Variants in THRB observed in about 807,000 individuals in gnomAD.
THRB encodes the protein nuclear receptor subfamily 1 group A member 2.
THRB carries 12 observed loss-of-function variants against 47.8 expected under a neutral mutation model. The ratio of observed to expected loss-of-function variants is 0.25; its 90% CI spans 0.16 to 0.41. The LOEUF is 0.41. Ranked by LOEUF, THRB falls within the 10% of genes least tolerant of loss-of-function variation. The pLI, the probability that THRB is intolerant of heterozygous loss-of-function variation, is 1.00. For synonymous variants in THRB, 218 were observed against 212.2 expected (o/e 1.03, Z -0.24); for missense variants, 348 against 589.2 (o/e 0.59, Z 4.24).
chr3:24,129,699 A>G (rs2148856657), intron 9 of THRB, among the ~76,000 whole-genome samples: 1 of 152,310 alleles, frequency 6.6e-6, no homozygotes, highest in African/African-American at 2.4e-5. Context: ...TTGTGAGAAC[A>G]CTCAACAAGG....
chr3:24,159,296 G>GGT (rs146955672), intron 5 of THRB, among the ~76,000 whole-genome samples: 3,845 of 152,296 alleles, frequency 0.025, 173 homozygotes, highest in African/African-American at 0.087. Flanking sequence ...TCTCCCTGCA[G>GGT]GTGTATCCTG....
At chr3:24,279,227 T>A (rs978884052) in intron 3 of THRB, among the ~76,000 whole-genome samples, 1 of 152,110 alleles carries the variant, frequency 6.6e-6, no homozygotes, top group Admixed American at 6.6e-5. Context: ...CTATTTACAA[T>A]AGAAAACTTG....
intron 2 of THRB, among the ~76,000 whole-genome samples, chr3:24,300,914 A>C (rs971857197): frequency 2.0e-5 from 3 of 152,156 alleles, no homozygotes; most frequent in Non-Finnish European, 4.4e-5. Context: ...AATATGACCT[A>C]ATTTGGAAAG....
intron 1 of THRB, among the ~76,000 whole-genome samples, chr3:24,448,325 A>G (rs1475106374): frequency 2.0e-5 from 3 of 152,232 alleles, no homozygotes; most frequent in East Asian, 3.8e-4. Context: ...TTTTTAAAAA[A>G]TCTTTTAAAA....
At chr3:24,449,753 T>C (rs545295701) in intron 1 of THRB, among the ~76,000 whole-genome samples, 2 of 152,166 alleles carry the variant, frequency 1.3e-5, no homozygotes, top group African/African-American at 2.4e-5. Context: ...GGAGGCGATA[T>C]AGTGAAAAGC....
chr3:24,465,850 T>G (rs1418100891), intron 1 of THRB, among the ~76,000 whole-genome samples: 1 of 152,204 alleles, frequency 6.6e-6, no homozygotes, highest in African/African-American at 2.4e-5. Context: ...CTTTGGTCCT[T>G]ATTTTTATTA....
At chr3:24,264,672 T>G (rs1370602899) in intron 3 of THRB, among the ~76,000 whole-genome samples, 2 of 152,164 alleles carry the variant, frequency 1.3e-5, no homozygotes, top group East Asian at 3.8e-4. Context: ...TCATTTCACA[T>G]TTTAAGTTAT....
chr3:24,194,380 C>T (rs1317449056), intron 4 of THRB, among the ~76,000 whole-genome samples: 8 of 152,082 alleles, frequency 5.3e-5, no homozygotes, highest in Admixed American at 6.6e-5. Context: ...ATTCTAGAAA[C>T]GATCATATCT....
chr3:24,383,601 C>T (rs895655155), intron 1 of THRB, among the ~76,000 whole-genome samples: 2 of 152,116 alleles, frequency 1.3e-5, no homozygotes, highest in African/African-American at 4.8e-5. Context: ...TCTTCATATC[C>T]TGTCACTAGG....
chr3:24,356,108 A>G (rs1242113958), intron 1 of THRB, among the ~76,000 whole-genome samples: 1 of 152,130 alleles, frequency 6.6e-6, no homozygotes, highest in Non-Finnish European at 1.5e-5. Flanking sequence ...AGACATTCCC[A>G]TTCCAAACAG....
chr3:24,227,392 G>A (rs1576098659), intron 4 of THRB, among the ~76,000 whole-genome samples: 2 of 152,320 alleles, frequency 1.3e-5, no homozygotes, highest in South Asian at 4.1e-4. Flanking sequence ...TTATGACGTA[G>A]AAGGAGTGCG....
At chr3:24,251,136 C>T (rs934518817) in intron 3 of THRB, among the ~76,000 whole-genome samples, 2 of 151,974 alleles carry the variant, frequency 1.3e-5, no homozygotes, top group Non-Finnish European at 2.9e-5. Context: ...AGCCTTATTG[C>T]TAGATATGTA....
chr3:24,211,896 A>G (rs1286317457), intron 4 of THRB, among the ~76,000 whole-genome samples: 3 of 152,198 alleles, frequency 2.0e-5, no homozygotes, highest in Non-Finnish European at 4.4e-5. Context: ...ATGGGCTCTG[A>G]GTAATAAAAT....
At chr3:24,470,537 A>C (rs928873980) in intron 1 of THRB, among the ~76,000 whole-genome samples, 1 of 152,218 alleles carries the variant, frequency 6.6e-6, no homozygotes, top group Non-Finnish European at 1.5e-5. Context: ...CCTGGTACTT[A>C]ATAAGCCCCA....
intron 3 of THRB, among the ~76,000 whole-genome samples, chr3:24,293,860 C>T (rs1157659039): frequency 3.3e-5 from 5 of 152,214 alleles, no homozygotes. Context: ...CCTACTCAGA[C>T]TCTTTCTTAC....
chr3:24,453,791 C>A (rs533027441), intron 1 of THRB, among the ~76,000 whole-genome samples: 1 of 152,302 alleles, frequency 6.6e-6, no homozygotes, highest in East Asian at 1.9e-4. Context: ...TACCATCTTT[C>A]TATTCCACTG....
intron 1 of THRB, chr3:24,494,181 G>T (rs973880014): frequency 6.6e-6 from 1 of 152,326 alleles, no homozygotes; most frequent in African/African-American, 2.4e-5. Flanking sequence ...AGGGGGGATG[G>T]GAGACCCACA....
chr3:24,427,336 CCT>C (rs1364876731), intron 1 of THRB, among the ~76,000 whole-genome samples: 1 of 151,982 alleles, frequency 6.6e-6, no homozygotes, highest in African/African-American at 2.4e-5. Context: ...TTGACAACTT[CCT>C]CTCTTTTTAA....
At chr3:24,442,717 G>C (rs1459077120) in intron 1 of THRB, among the ~76,000 whole-genome samples, 3 of 152,020 alleles carry the variant, frequency 2.0e-5, no homozygotes, top group Non-Finnish European at 2.9e-5. Flanking sequence ...CCAGCTACTC[G>C]GGAGGCTGAC....
Sources: gnomAD v4.1 joint callset for allele counts (sites outside exome capture counted in the v4.1 genomes callset) on GRCh38, gnomAD v4.1.1 for gene constraint, MANE v1.5 for transcripts, NCBI Gene and HGNC (gene_info 2026-07-23, HGNC 2026-07-21) for gene names.